The following SPOCK3 variants were observed in gnomAD, a reference collection of about 807,000 sequenced individuals.
The protein encoded by SPOCK3 is testican-3.
Under a neutral mutation model 56.6 loss-of-function variants are expected in SPOCK3, and 30 were observed. That is an observed-to-expected ratio of 0.53 (90% CI 0.40 to 0.72). The LOEUF is 0.72. Among genes scored for constraint, SPOCK3 ranks in the 30% least tolerant of loss-of-function variants. SPOCK3 has a pLI of 0.00. For missense variants in SPOCK3, 527 were observed against 530.0 expected (o/e 0.99, Z 0.06); for synonymous variants, 196 against 183.3 (o/e 1.07, Z -0.56).
intron 4 of SPOCK3, among the ~76,000 whole-genome samples, chr4:166,989,848 A>T (rs1747579089): frequency 6.6e-6 from 1 of 152,174 alleles, no homozygotes; most frequent in African/African-American, 2.4e-5. Flanking sequence ...TAGGCCAATG[A>T]GGCTATTTCT....
At chr4:166,994,409 G>A (rs1748133529) in intron 4 of SPOCK3, among the ~76,000 whole-genome samples, 1 of 152,096 alleles carries the variant, frequency 6.6e-6, no homozygotes, top group Non-Finnish European at 1.5e-5. Context: ...GCTAAACTGT[G>A]AAGCCAGGCA....
intron 4 of SPOCK3, among the ~76,000 whole-genome samples, chr4:166,953,973 T>C (rs28787284): frequency 0.014 from 2,090 of 152,184 alleles, 54 homozygotes; most frequent in African/African-American, 0.047. Flanking sequence ...TTGGGAGATA[T>C]ATCTAATGCT....
intron 2 of SPOCK3, among the ~76,000 whole-genome samples, chr4:167,186,040 G>A (rs1731923119): frequency 6.6e-6 from 1 of 152,086 alleles, no homozygotes; most frequent in South Asian, 2.1e-4. Context: ...AGATATAAAA[G>A]TAGATGATAT....
Position 167,197,610 on chromosome 4 carries a change from G to GA in SPOCK3, c.189+36374dup, listed in dbSNP as rs34905918. ...CGAATGTCTTCATTGCCTTCAACCA[G>GA]AAAAAAAAAAAATCCCACAAAAGTG... On this transcript the variant is annotated intron_variant, in intron 2 of 10. Transcript: ENST00000357545. Among the ~76,000 whole-genome samples the GA allele has an allele frequency of 8.0e-4, 112 of 139,988 alleles. 1 individual carries two copies. The highest frequency in any genetic ancestry group is 2.5e-3 in the Admixed American group (36 of 14,304). 91.8% of individuals were successfully genotyped at this position (139,988 alleles called of 152,430 possible).
chr4:167,130,140 C>G (rs905591848), intron 2 of SPOCK3, among the ~76,000 whole-genome samples: 1 of 152,074 alleles, frequency 6.6e-6, no homozygotes, highest in African/African-American at 2.4e-5. Flanking sequence ...CTCAGCTTCT[C>G]AGTTTTGTAG....
intron 6 of SPOCK3, among the ~76,000 whole-genome samples, chr4:166,875,917 G>C (rs1733030457): frequency 6.6e-6 from 1 of 152,202 alleles, no homozygotes; most frequent in Admixed American, 6.5e-5. Flanking sequence ...TGGCACAGCA[G>C]GTAGCAAAAG....
In SPOCK3 at chr4:167,157,610, GT is replaced by G. The variant is rs761030605; in HGVS notation, c.189+76374del. Among the ~76,000 whole-genome samples, 1,237 of 143,894 alleles carry G rather than the reference GT, an allele frequency of 8.6e-3. 13 individuals carry two copies. The highest frequency in any genetic ancestry group is 0.026 in the African/African-American group (1,021 of 40,020). The allele number at this position is 143,894 out of a possible 152,430, so 94.4% of individuals were successfully genotyped here. ...TACCAAGCATTTTCAGATAGGAAAG[GT>G]TTTTTTTAAAAAAAAAAACACAATA... On this transcript the variant is annotated intron_variant, in intron 2 of 10. Coordinates refer to ENST00000357545, the MANE Select transcript of SPOCK3 (RefSeq NM_001040159.2).
chr4:167,166,102 T>C (rs1408836453), intron 2 of SPOCK3, among the ~76,000 whole-genome samples: 1 of 152,032 alleles, frequency 6.6e-6, no homozygotes, highest in Non-Finnish European at 1.5e-5. Flanking sequence ...GCAATGAAAT[T>C]CTATAGCAAA....
intron 5 of SPOCK3, among the ~76,000 whole-genome samples, chr4:166,895,870 A>T (rs1735325830): frequency 6.6e-6 from 1 of 152,162 alleles, no homozygotes; most frequent in African/African-American, 2.4e-5. Context: ...CACATAAAAC[A>T]TAGTGTTTCC....
At chr4:167,140,097 C>G (rs539550517) in intron 2 of SPOCK3, among the ~76,000 whole-genome samples, 18 of 152,094 alleles carry the variant, frequency 1.2e-4, no homozygotes, top group Non-Finnish European at 2.4e-4. Context: ...GCTGCTCAGT[C>G]TCATAATTAA....
At chr4:167,221,361 C>T (rs922630971) in intron 2 of SPOCK3, among the ~76,000 whole-genome samples, 3 of 151,986 alleles carry the variant, frequency 2.0e-5, no homozygotes, top group South Asian at 2.1e-4. Context: ...GAGCAAATTG[C>T]TGTCTCTTAA....
At chr4:167,019,030 A>G (rs1166224543) in intron 3 of SPOCK3, among the ~76,000 whole-genome samples, 1 of 152,082 alleles carries the variant, frequency 6.6e-6, no homozygotes, top group Non-Finnish European at 1.5e-5. Context: ...ATAAAAAATC[A>G]GCTGTTTCCC....
chr4:166,841,430 T>C (rs901803826), intron 6 of SPOCK3, among the ~76,000 whole-genome samples: 1 of 152,108 alleles, frequency 6.6e-6, no homozygotes, highest in Non-Finnish European at 1.5e-5. Flanking sequence ...TTTAAAAAAA[T>C]TTCTTAAAGT....
At chr4:167,116,597 C>CGT (rs1375217283) in intron 2 of SPOCK3, among the ~76,000 whole-genome samples, 3,431 of 131,420 alleles carry the variant, frequency 0.026, 191 homozygotes, top group African/African-American at 0.074. Context: ...TATATATATA[C>CGT]ATATATACTA....
intron 2 of SPOCK3, among the ~76,000 whole-genome samples, chr4:167,115,803 A>C (rs558632105): frequency 2.6e-5 from 4 of 152,156 alleles, no homozygotes; most frequent in Non-Finnish European, 5.9e-5. Flanking sequence ...TTAATAACAG[A>C]AGTTAATGAT....
chr4:166,916,057 T>C (rs1246351533), intron 4 of SPOCK3, among the ~76,000 whole-genome samples: 1 of 152,166 alleles, frequency 6.6e-6, no homozygotes, highest in African/African-American at 2.4e-5. Flanking sequence ...TAAAAATTTA[T>C]TTAGTTTATA....
chr4:166,968,941 C>A (rs1745057467), intron 4 of SPOCK3, among the ~76,000 whole-genome samples: 1 of 152,120 alleles, frequency 6.6e-6, no homozygotes, highest in Non-Finnish European at 1.5e-5. Context: ...GGTGGAGCTG[C>A]CCAAGGTCAT....
At chr4:166,832,414 C>T (rs999738017) in intron 6 of SPOCK3, among the ~76,000 whole-genome samples, 4 of 151,040 alleles carry the variant, frequency 2.6e-5, no homozygotes, top group African/African-American at 7.3e-5. Flanking sequence ...AAAAAAACAA[C>T]AGATGATGGT....
chr4:166,993,774 A>C (rs1748057165), intron 4 of SPOCK3, among the ~76,000 whole-genome samples: 1 of 152,194 alleles, frequency 6.6e-6, no homozygotes, highest in Non-Finnish European at 1.5e-5. Context: ...TATGGGCACA[A>C]AGATGCAAGC....
Sources: allele counts gnomAD v4.1 joint callset (sites outside exome capture counted in the v4.1 genomes callset), GRCh38; gene constraint gnomAD v4.1.1; transcripts MANE v1.5; gene names NCBI Gene and HGNC (gene_info 2026-07-23, HGNC 2026-07-21).